MPP7: variants seen among roughly 807,000 people sequenced by gnomAD.
MPP7 encodes MAGUK p55 scaffold protein 7, also known as MAGUK p55 subfamily member 7.
In MPP7, 60 loss-of-function variants were observed where a neutral mutation model predicts 76.5. The ratio of observed to expected loss-of-function variants is 0.78; its 90% CI spans 0.64 to 0.97. The LOEUF is 0.97. Ranked by LOEUF, MPP7 falls within the 50% of genes least tolerant of loss-of-function variation. The probability of loss-of-function intolerance (pLI) is 0.00; values close to 1 mark genes in which losing one functional copy is unlikely to be tolerated. For missense variants in MPP7, 641 were observed against 694.0 expected (o/e 0.92, Z 0.86); for synonymous variants, 237 against 244.5 (o/e 0.97, Z 0.29).
chr10:28,125,181 G>C, intron 6 of MPP7, 90 bp from the exon 7 acceptor site: 4 of 1,131,278 alleles, frequency 3.5e-6, no homozygotes, highest in Non-Finnish European at 5.2e-6. Flanking sequence ...TCTGAAAAAA[G>C]AGAAAACAAC....
chr10:28,115,325 G>A (rs562360267), intron 11 of MPP7, among the ~76,000 whole-genome samples: 6 of 152,132 alleles, frequency 3.9e-5, no homozygotes, highest in Admixed American at 2.0e-4. Flanking sequence ...GGCTGGTTTC[G>A]AACTCCTGAC....
chr10:28,312,557 C>A (rs191064399), intron 2 of MPP7, among the ~76,000 whole-genome samples: 2 of 152,224 alleles, frequency 1.3e-5, no homozygotes, highest in African/African-American at 2.4e-5. Flanking sequence ...ACCAAAAAAA[C>A]CAGTCTCAAC....
intron 2 of MPP7, among the ~76,000 whole-genome samples, chr10:28,322,511 A>G (rs1408569377): frequency 1.3e-5 from 2 of 152,176 alleles, no homozygotes; most frequent in South Asian, 4.1e-4. Context: ...CCAGGCCCCA[A>G]CCTTTCTCTG....
At chr10:28,143,855 CTGTGTGTGTGTG>C (rs60960005) in intron 5 of MPP7, among the ~76,000 whole-genome samples, 3,076 of 134,522 alleles carry the variant, frequency 0.023, 82 homozygotes, top group African/African-American at 0.049. Context: ...CAATCGTGTG[CTGTGTGTGTGTG>C]TGTGTGTGTG....
At chr10:28,184,690 A>G (rs1451505687) in intron 3 of MPP7, among the ~76,000 whole-genome samples, 8 of 148,962 alleles carry the variant, frequency 5.4e-5, no homozygotes. Context: ...CCTGGGTGAT[A>G]GAGTGAGACT....
chr10:28,121,823 A>G (rs964869482), intron 8 of MPP7, among the ~76,000 whole-genome samples: 1 of 151,852 alleles, frequency 6.6e-6, no homozygotes, highest in African/African-American at 2.4e-5. Context: ...AAAAAAAAAA[A>G]AAGGCTCTGA....
intron 2 of MPP7, among the ~76,000 whole-genome samples, chr10:28,221,579 C>G (rs1357749252): frequency 1.3e-5 from 2 of 152,102 alleles, no homozygotes; most frequent in Non-Finnish European, 2.9e-5. Flanking sequence ...CGTAATGAGG[C>G]GAATCCCAAT....
chr10:28,109,848 CAA>C (rs869206744), intron 11 of MPP7, among the ~76,000 whole-genome samples: 10 of 19,220 alleles, frequency 5.2e-4, no homozygotes, highest in Admixed American at 2.1e-3. Context: ...GCCGCAGACG[CAA>C]AAAAAAAAAA....
At chr10:28,223,133 CAA>C (rs766215567) in intron 2 of MPP7, among the ~76,000 whole-genome samples, 2 of 127,004 alleles carry the variant, frequency 1.6e-5, no homozygotes. Context: ...GCCTCTGTCT[CAA>C]AAAAAAAAAG....
At chr10:28,108,352 C>T (rs1196071051) in intron 11 of MPP7, among the ~76,000 whole-genome samples, 1 of 152,080 alleles carries the variant, frequency 6.6e-6, no homozygotes, top group Non-Finnish European at 1.5e-5. Flanking sequence ...GCTGAAGCAG[C>T]TGATCTCTAA....
intron 3 of MPP7, among the ~76,000 whole-genome samples, chr10:28,199,879 AACACACACACAC>A (rs3064104): frequency 6.7e-6 from 1 of 148,840 alleles, no homozygotes. Context: ...AGCCCATTTA[AACACACACACAC>A]ACACACACAC....
chr10:28,124,206 G>A, intron 7 of MPP7, 90 bp from the exon 8 acceptor site: 2 of 873,496 alleles, frequency 2.3e-6, no homozygotes, highest in East Asian at 2.4e-5. Context: ...GCATTGTTAG[G>A]TTCCCTTAAT....
intron 11 of MPP7, among the ~76,000 whole-genome samples, chr10:28,093,102 T>C (rs1012461151): frequency 4.6e-5 from 7 of 152,168 alleles, no homozygotes; most frequent in African/African-American, 1.4e-4. Flanking sequence ...AGATGATACA[T>C]GAGCTACTCT....
Position 28,054,114 on chromosome 10 carries a change from T to G in MPP7, c.1682A>C (p.Lys561Thr), listed in dbSNP as rs1851457372. 2 of 1,613,856 alleles carry G rather than the reference T, an allele frequency of 1.2e-6. No individual in the cohort carries two copies. The highest frequency in any genetic ancestry group is 1.7e-6 in the Non-Finnish European group (2 of 1,179,920). Reference sequence around the variant, plus strand: ...CACCCAATGGGTCTCTGTCTCTAATTTGTCAAAAGTTGTTTTGAGCTCATT... The same window carrying G: ...CACCCAATGGGTCTCTGTCTCTAATGTGTCAAAAGTTGTTTTGAGCTCATT... ...AFNELKTTFD[K>T]LETETHWVPV... The change falls in exon 17 of 17, where the codon AAA (lysine) becomes ACA (threonine). Residue 561 changes from lysine (K) to threonine (T), a missense_variant. Coordinates refer to ENST00000683449, the MANE Select transcript of MPP7 (RefSeq NM_001318170.2).
At chr10:28,322,373 TA>T (rs994264213) in intron 2 of MPP7, among the ~76,000 whole-genome samples, 1 of 151,848 alleles carries the variant, frequency 6.6e-6, no homozygotes, top group African/African-American at 2.4e-5. Flanking sequence ...CCTGCTTTTC[TA>T]AAAAAATAAA....
At chr10:28,069,651 T>A in intron 13 of MPP7, 121 bp downstream of exon 13, 1 of 620,282 alleles carries the variant, frequency 1.6e-6, no homozygotes, top group Non-Finnish European at 2.6e-6. Flanking sequence ...CATAAATACA[T>A]ATACCTACCA....
chr10:28,235,475 A>G (rs1332666223), intron 2 of MPP7, among the ~76,000 whole-genome samples: 1 of 152,186 alleles, frequency 6.6e-6, no homozygotes, highest in Non-Finnish European at 1.5e-5. Flanking sequence ...AACTCAGAAA[A>G]TATATGTAAT....
At chr10:28,097,613 A>G (rs1258676060) in intron 11 of MPP7, among the ~76,000 whole-genome samples, 1 of 152,198 alleles carries the variant, frequency 6.6e-6, no homozygotes, top group Non-Finnish European at 1.5e-5. Flanking sequence ...ATAATAGAAA[A>G]AAAATGAATT....
intron 12 of MPP7, among the ~76,000 whole-genome samples, chr10:28,075,976 G>T (rs1003252415): frequency 2.0e-5 from 3 of 152,186 alleles, no homozygotes; most frequent in Non-Finnish European, 4.4e-5. Flanking sequence ...CTATTATGCA[G>T]GTGAAACTTT....
Sources: allele counts gnomAD v4.1 joint callset (sites outside exome capture counted in the v4.1 genomes callset), GRCh38; gene constraint gnomAD v4.1.1; transcripts MANE v1.5; gene names NCBI Gene and HGNC (gene_info 2026-07-23, HGNC 2026-07-21).